Variants in APBB2 observed in about 807,000 individuals in gnomAD.
The protein encoded by APBB2 is Fe65-like 1.
APBB2 carries 38 observed loss-of-function variants against 82.5 expected under a neutral mutation model. That is an observed-to-expected ratio of 0.46 (90% confidence interval 0.36 to 0.60). The LOEUF (loss-of-function observed/expected upper bound fraction) is 0.60. Among genes scored for constraint, APBB2 ranks in the 20% least tolerant of loss-of-function variants. The pLI is 0.00. For missense variants in APBB2, 772 were observed against 972.3 expected, an observed-to-expected ratio of 0.79 and a Z score of 2.74; for synonymous variants, 341 against 368.2, an observed-to-expected ratio of 0.93 and a Z score of 0.85.
At chr4:40,827,087 G>C (rs1184525686) in intron 14 of APBB2, 45 bp downstream of exon 14, 2 of 1,552,798 alleles carry the variant, frequency 1.3e-6, no homozygotes, top group Admixed American at 1.7e-5. Context: ...TCCTGGACCA[G>C]GAGGGACAGG....
intron 2 of APBB2, among the ~76,000 whole-genome samples, chr4:41,138,602 ATAAC>A (rs1247828063): frequency 3.3e-5 from 5 of 152,226 alleles, no homozygotes; most frequent in East Asian, 3.8e-4. Flanking sequence ...CAATGACTGA[ATAAC>A]TAAGTCAACT....
chr4:40,955,301 C>T (rs1791313305), intron 6 of APBB2, among the ~76,000 whole-genome samples: 1 of 152,152 alleles, frequency 6.6e-6, no homozygotes, highest in Admixed American at 6.5e-5. Flanking sequence ...AGGGCAAGGT[C>T]ATGTGGCTGG....
intron 1 of APBB2, among the ~76,000 whole-genome samples, chr4:41,200,699 A>C (rs1480482541): frequency 1.3e-5 from 2 of 152,092 alleles, no homozygotes; most frequent in African/African-American, 4.8e-5. Context: ...AGCATGTAGA[A>C]ATTTTCTTTG....
intron 12 of APBB2, among the ~76,000 whole-genome samples, chr4:40,851,691 T>C (rs1759413278): frequency 6.7e-6 from 1 of 149,600 alleles, no homozygotes; most frequent in Non-Finnish European, 1.5e-5. Flanking sequence ...CTGAAAATAC[T>C]GACTGCAGAA....
rs777910826 is a variant in APBB2, at chr4:40,832,013, T to TATATACACACACACAC, written c.1530-1437_1530-1436insGTGTGTGTGTGTATAT. 6.2e-4 allele frequency among the ~76,000 whole-genome samples: 86 copies of TATATACACACACACAC among 138,972 alleles called. No homozygotes were observed. The highest frequency in any genetic ancestry group is 9.7e-4 in the African/African-American group (36 of 37,134). 91.2% of individuals were successfully genotyped at this position (138,972 alleles called of 152,430 possible). On this transcript the variant is annotated intron_variant, in intron 12 of 17. Transcript: ENST00000508593. This position sits in a 1 kb window ranked among gnomAD's most constrained non-coding sequence, Gnocchi z 4.8. Reference sequence around the variant, plus strand: ...ACACATATTTATATATTTATTTATATACACACACACACACACACACACACA... The same window carrying TATATACACACACACAC: ...ACACATATTTATATATTTATTTATATATATACACACACACACACACACACACACACACACACACACA...
chr4:40,906,524 C>T (rs1201808015), intron 10 of APBB2, among the ~76,000 whole-genome samples: 1 of 150,256 alleles, frequency 6.7e-6, no homozygotes, highest in African/African-American at 2.5e-5. Flanking sequence ...AACAAAAATT[C>T]CCACCAGTAC....
intron 6 of APBB2, among the ~76,000 whole-genome samples, chr4:40,988,002 G>A (rs1460736921): frequency 6.6e-6 from 1 of 152,094 alleles, no homozygotes; most frequent in Non-Finnish European, 1.5e-5. Context: ...TCAAAACCTC[G>A]CTGTCCTTGT....
intron 6 of APBB2, among the ~76,000 whole-genome samples, chr4:40,967,499 T>C (rs1253126337): frequency 6.6e-6 from 1 of 152,168 alleles, no homozygotes; most frequent in African/African-American, 2.4e-5. Flanking sequence ...CCGATGCGTT[T>C]ACTGGTGCCA....
chr4:40,825,856 A>C (rs1388928636), intron 15 of APBB2, 31 bp downstream of exon 15: 1 of 1,597,342 alleles, frequency 6.3e-7, no homozygotes, highest in East Asian at 2.2e-5. Context: ...GCACACTTGC[A>C]AAGTGGAAAG....
In APBB2 at chr4:40,825,961, G is replaced by C. The variant is rs1221987586; in HGVS notation, c.1742C>G (p.Pro581Arg). The C allele has an allele frequency of 6.2e-7, 1 of 1,613,838 alleles. No homozygotes were observed. Among genetic ancestry groups the C allele is most frequent in the African/African-American group, 1.3e-5 (1 of 74,904 alleles). The change falls in exon 15 of 18, where the codon CCA becomes CGA. Residue 581 changes from proline to arginine, a missense_variant. Transcript: ENST00000508593. ...CTGGACCAGCTCAGTCTTTGGTGTTGGAAAATCTACTACAGGGAACAAAAG... is the reference window on the plus strand; with the variant it reads ...CTGGACCAGCTCAGTCTTTGGTGTTCGAAAATCTACTACAGGGAACAAAAG... ...NLDVPLQVDF[P>R]TPKTELVQKF...
intron 1 of APBB2, among the ~76,000 whole-genome samples, chr4:41,154,417 C>T (rs1013433364): frequency 2.0e-5 from 3 of 152,184 alleles, no homozygotes; most frequent in Non-Finnish European, 4.4e-5. Flanking sequence ...TTCCTGGTTG[C>T]GTTTCCATAA....
chr4:41,036,514 G>C (rs1719238715), intron 4 of APBB2, among the ~76,000 whole-genome samples: 1 of 152,190 alleles, frequency 6.6e-6, no homozygotes, highest in East Asian at 1.9e-4. Flanking sequence ...ACTTTAGTGA[G>C]TAAAAACACA....
At position 40,977,835 on chromosome 4, in the gene APBB2, G is replaced by A. The variant is rs147133725; in HGVS notation, c.836-32762C>T. Reference sequence around the variant, plus strand: ...GGAGACATTGCTGTCACCTCAAAGAGCCTTAGTTCTAATGGAGATAAAACA... The same window carrying A: ...GGAGACATTGCTGTCACCTCAAAGAACCTTAGTTCTAATGGAGATAAAACA... On this transcript the variant is annotated intron_variant, in intron 6 of 17. Coordinates refer to ENST00000508593, the MANE Select transcript of APBB2 (RefSeq NM_004307.2). Among the ~76,000 whole-genome samples the A allele has an allele frequency of 3.9e-5, 6 of 152,266 alleles. No individual in the cohort carries two copies. In the East Asian group the frequency reaches 9.6e-4, roughly 24 times the overall value.
intron 6 of APBB2, among the ~76,000 whole-genome samples, chr4:40,994,609 T>C (rs1450087913): frequency 6.6e-6 from 1 of 151,824 alleles, no homozygotes; most frequent in East Asian, 1.9e-4. Context: ...GGTCAAGAGA[T>C]TGACACCATC....
chr4:41,148,203 A>G lies in APBB2; in HGVS notation c.-416-5061T>C, dbSNP rs183578299. Among the ~76,000 whole-genome samples the G allele has an allele frequency of 3.0e-3, 462 of 152,334 alleles. 1 individual carries two copies. Among genetic ancestry groups the G allele is most frequent in the Non-Finnish European group, 4.9e-3 (336 of 68,032 alleles). On this transcript the variant is annotated intron_variant, in intron 1 of 17. Coordinates refer to ENST00000508593, the MANE Select transcript of APBB2 (RefSeq NM_004307.2). Reference sequence around the variant, plus strand: ...GGGCAGTTTGGAAAAGGGTTCATGTAATAACTTTCCCTGTAGGATTTCAAC... The same window carrying G: ...GGGCAGTTTGGAAAAGGGTTCATGTGATAACTTTCCCTGTAGGATTTCAAC...
intron 12 of APBB2, 29 bp from the exon 13 acceptor site, chr4:40,830,606 A>C (rs1751544579): frequency 7.3e-7 from 1 of 1,372,204 alleles, no homozygotes; most frequent in East Asian, 2.3e-5. Flanking sequence ...TCAGTCCATT[A>C]GTAAGAGAAG....
At chr4:41,064,289 G>A (rs896354544) in intron 4 of APBB2, among the ~76,000 whole-genome samples, 3 of 152,044 alleles carry the variant, frequency 2.0e-5, no homozygotes, top group African/African-American at 7.2e-5. Context: ...CAAAATGCTG[G>A]GATTACAGAC....
chr4:40,861,361 A>AAT (rs997019990), intron 12 of APBB2, among the ~76,000 whole-genome samples: 6 of 148,518 alleles, frequency 4.0e-5, no homozygotes, highest in African/African-American at 9.9e-5. Context: ...AAAAAAAAAA[A>AAT]TTTTTTTTTT....
intron 2 of APBB2, among the ~76,000 whole-genome samples, chr4:41,102,609 C>A (rs539426336): frequency 6.6e-6 from 1 of 152,326 alleles, no homozygotes; most frequent in South Asian, 2.1e-4. Context: ...GAACACAGTC[C>A]ATGCCTCAAA....
Sources: gnomAD v4.1 joint callset for allele counts (sites outside exome capture counted in the v4.1 genomes callset) on GRCh38, gnomAD v4.1.1 for gene constraint, Gnocchi (gnomAD v3.1) non-coding constraint, MANE v1.5 for transcripts, NCBI Gene and HGNC (gene_info 2026-07-23, HGNC 2026-07-21) for gene names.